Variants in DNAI2 observed in about 807,000 individuals in gnomAD.
DNAI2 encodes dynein axonemal intermediate chain 2.
In DNAI2, 63 loss-of-function variants were observed where a neutral mutation model predicts 74.7. The ratio of observed to expected loss-of-function variants is 0.84; its 90% CI spans 0.69 to 1.04. The LOEUF is 1.04. Among genes scored for constraint, DNAI2 ranks in the 50% least tolerant of loss-of-function variants. The pLI is 0.00. For missense variants in DNAI2, 688 were observed against 803.2 expected, an observed-to-expected ratio of 0.86 and a Z score of 1.73; for synonymous variants, 289 against 314.9, an observed-to-expected ratio of 0.92 and a Z score of 0.87.
At chr17:74,301,292 A>G in intron 8 of DNAI2, 124 bp downstream of exon 8, 1 of 1,410,398 alleles carries the variant, frequency 7.1e-7, no homozygotes, top group Non-Finnish European at 9.9e-7. Flanking sequence ...GGCCACCCTC[A>G]CTGCAGCCAT....
chr17:74,277,316 C>T (rs767842125), intron 1 of DNAI2, among the ~76,000 whole-genome samples: 5 of 146,148 alleles, frequency 3.4e-5, no homozygotes, highest in Non-Finnish European at 5.9e-5. Context: ...ACCCGGGAGA[C>T]GGAGTTTGCA....
At chr17:74,287,577 T>G (rs2051827853) in intron 4 of DNAI2, among the ~76,000 whole-genome samples, 1 of 152,194 alleles carries the variant, frequency 6.6e-6, no homozygotes, top group African/African-American at 2.4e-5. Context: ...AGCCAAAGAC[T>G]AGAACAAGCT....
intron 12 of DNAI2, among the ~76,000 whole-genome samples, chr17:74,312,524 C>T (rs1021877028): frequency 2.6e-5 from 4 of 152,004 alleles, no homozygotes; most frequent in African/African-American, 7.2e-5. Flanking sequence ...AGTGACTGAA[C>T]GAGGGAACAT....
At chr17:74,305,799 G>C (rs2053160550) in intron 9 of DNAI2, among the ~76,000 whole-genome samples, 1 of 150,782 alleles carries the variant, frequency 6.6e-6, no homozygotes, top group African/African-American at 2.4e-5. Context: ...AGCCTCCTGA[G>C]TAGCTGGGAC....
chr17:74,283,604 T>G (rs956437368), intron 2 of DNAI2, among the ~76,000 whole-genome samples: 1 of 151,986 alleles, frequency 6.6e-6, no homozygotes, highest in African/African-American at 2.4e-5. Context: ...TGAGACCCTG[T>G]CTCTAAAAAT....
chr17:74,305,452 G>A lies in DNAI2; in HGVS notation c.1211+10G>A, dbSNP rs766029339. On this transcript the variant is annotated intron_variant, in intron 9 of 13. Coordinates refer to ENST00000311014, the MANE Select transcript of DNAI2 (RefSeq NM_023036.6). ...CCATCATGTGGACCAAGTAAGAGGC[G>A]ATGCTGGGGACAGGAGGGGATGCAG... 23 of 1,612,898 alleles carry A rather than the reference G, an allele frequency of 1.4e-5. No individual in the cohort carries two copies. The highest frequency in any genetic ancestry group is 1.6e-4 in the Middle Eastern group (1 of 6,062).
chr17:74,277,161 C>A (rs1391944113), intron 1 of DNAI2, among the ~76,000 whole-genome samples: 1 of 151,982 alleles, frequency 6.6e-6, no homozygotes, highest in African/African-American at 2.4e-5. Context: ...CCGAGGTGGG[C>A]GGATCACTTG....
intron 11 of DNAI2, among the ~76,000 whole-genome samples, chr17:74,310,541 T>G (rs1016607739): frequency 1.3e-5 from 2 of 151,686 alleles, no homozygotes; most frequent in African/African-American, 4.8e-5. Flanking sequence ...TTATTTTTAT[T>G]TATTTATTTA....
intron 3 of DNAI2, among the ~76,000 whole-genome samples, chr17:74,286,634 G>A (rs1465406763): frequency 3.3e-5 from 5 of 151,796 alleles, no homozygotes; most frequent in African/African-American, 7.3e-5. Flanking sequence ...TATGTTGGCC[G>A]GGCTGGTCTC....
chr17:74,287,214 C>T, intron 4 of DNAI2, 116 bp downstream of exon 4: 1 of 1,489,830 alleles, frequency 6.7e-7, no homozygotes, highest in South Asian at 1.2e-5. Flanking sequence ...TGTCTGTGCT[C>T]TGAGCTTGAT....
chr17:74,292,541 C>T lies in DNAI2; in HGVS notation c.724+1408C>T, dbSNP rs191608824. Among the ~76,000 whole-genome samples, 432 of 151,524 alleles carry T rather than the reference C, an allele frequency of 2.9e-3. 4 individuals are homozygous for T. Among genetic ancestry groups the T allele is most frequent in the African/African-American group, 0.01 (416 of 41,276 alleles). ...GAGCAATTCTTCCACCCCAGCCTCC[C>T]GAGTAGCTGAGCCTACAGGCATGTG... On this transcript the variant is annotated intron_variant, in intron 6 of 13. Transcript: ENST00000311014.
At chr17:74,296,322 AGAGAGAGAGAG>A (rs1352051893) in intron 6 of DNAI2, among the ~76,000 whole-genome samples, 24 of 74,990 alleles carry the variant, frequency 3.2e-4, no homozygotes, top group Non-Finnish European at 7.8e-4. Context: ...AGAGAGAGAG[AGAGAGAGAGAG>A]GAGAGAGAGA....
intron 8 of DNAI2, among the ~76,000 whole-genome samples, chr17:74,303,178 A>G (rs1005204466): frequency 1.3e-5 from 2 of 152,052 alleles, no homozygotes; most frequent in Non-Finnish European, 2.9e-5. Context: ...ACACACGATG[A>G]GTCTTCATGA....
chr17:74,291,542 A>G lies in DNAI2; in HGVS notation c.724+409A>G, dbSNP rs545810193. Among the ~76,000 whole-genome samples the G allele has an allele frequency of 2.6e-5, 4 of 152,338 alleles. No homozygotes were observed. In the South Asian group the frequency reaches 8.3e-4, roughly 32 times the overall value. ...ATGGCAGCCTGGGCTCGGCCACAGA[A>G]GACTAAGTGGGGTGAGGGCCTCCCA... On this transcript the variant is annotated intron_variant, in intron 6 of 13. Transcript: ENST00000311014.
intron 3 of DNAI2, 44 bp downstream of exon 3, chr17:74,285,245 C>T: frequency 6.2e-7 from 1 of 1,604,002 alleles, no homozygotes; most frequent in South Asian, 1.1e-5. Context: ...CCATCCATCA[C>T]TGCAGCTCCC....
rs1567862967 is a variant in DNAI2 at position 74,300,463 on chromosome 17, G to T, written c.865-583G>T. Among the ~76,000 whole-genome samples, 1 of 152,000 alleles carries T rather than the reference G, an allele frequency of 6.6e-6. No individual in the cohort carries two copies. The highest frequency in any genetic ancestry group is 6.6e-5 in the Admixed American group (1 of 15,252). On this transcript the variant is annotated intron_variant, in intron 7 of 13. Transcript: ENST00000311014. The surrounding 1 kb of genome is among the most constrained non-coding windows in gnomAD (Gnocchi z 4.5). ...TTTTGCACACTTCACACACTATTCT[G>T]TACTCGATGTTTTCCATTGTGTGTA... is the stretch of plus-strand genomic sequence containing the variant.
chr17:74,313,961 C>T, intron 12 of DNAI2, 160 bp from the exon 13 acceptor site: 5 of 1,134,572 alleles, frequency 4.4e-6, no homozygotes, highest in Non-Finnish European at 6.4e-6. Flanking sequence ...CTGTCTGGGC[C>T]CTCACCAGCC....
chr17:74,310,798 C>T (rs1213833186), intron 11 of DNAI2, among the ~76,000 whole-genome samples: 1 of 152,144 alleles, frequency 6.6e-6, no homozygotes, highest in Non-Finnish European at 1.5e-5. Flanking sequence ...CCCTGGCCTC[C>T]GAAAGTGCTG....
At chr17:74,278,823 G>A (rs539953434) in intron 1 of DNAI2, among the ~76,000 whole-genome samples, 1 of 152,190 alleles carries the variant, frequency 6.6e-6, no homozygotes, top group African/African-American at 2.4e-5. Flanking sequence ...CCTACTATTT[G>A]ATAGGACAAC....
Sources: allele counts gnomAD v4.1 joint callset (sites outside exome capture counted in the v4.1 genomes callset), GRCh38; gene constraint gnomAD v4.1.1; non-coding constraint Gnocchi (gnomAD v3.1); transcripts MANE v1.5; gene names NCBI Gene and HGNC (gene_info 2026-07-23, HGNC 2026-07-21).